NOL4L: variants seen among roughly 807,000 people sequenced by gnomAD.
NOL4L encodes nucleolar protein 4 like.
In NOL4L, 7 loss-of-function variants were observed where a neutral mutation model predicts 64.5. The observed-to-expected ratio is 0.11, with a 90% CI of 0.06 to 0.20. The LOEUF is 0.20. Among genes scored for constraint, NOL4L ranks in the 10% least tolerant of loss-of-function variants. The probability of loss-of-function intolerance (pLI) is 1.00; values close to 1 mark genes in which losing one functional copy is unlikely to be tolerated. For synonymous variants in NOL4L, 413 were observed against 401.0 expected (o/e 1.03, Z -0.36); for missense variants, 680 against 967.1 (o/e 0.70, Z 3.94).
chr20:32,514,090 G>A (rs910988286), intron 3 of NOL4L, among the ~76,000 whole-genome samples: 4 of 152,150 alleles, frequency 2.6e-5, no homozygotes, highest in African/African-American at 7.2e-5. Flanking sequence ...TGACTTTATA[G>A]ATCAAATAAC....
At chr20:32,535,404 C>T (rs995731417) in intron 1 of NOL4L, 34 of 164,688 alleles carry the variant, frequency 2.1e-4, no homozygotes, top group African/African-American at 7.9e-4. Flanking sequence ...TAAATAAATA[C>T]ATAAACAAGG....
At chr20:32,488,054 C>A (rs2016169955) in intron 4 of NOL4L, among the ~76,000 whole-genome samples, 1 of 152,062 alleles carries the variant, frequency 6.6e-6, no homozygotes, top group Non-Finnish European at 1.5e-5. Context: ...CTCAGCCTCC[C>A]AAGTAGCTGG....
intron 1 of NOL4L, among the ~76,000 whole-genome samples, chr20:32,550,471 C>A (rs6579024): frequency 6.6e-6 from 1 of 152,206 alleles, no homozygotes; most frequent in Admixed American, 6.5e-5. Flanking sequence ...ATAGGTCAGG[C>A]GTGGTGGCTC....
At chr20:32,461,594 TTA>T (rs1326039821) in intron 5 of NOL4L, among the ~76,000 whole-genome samples, 2 of 150,988 alleles carry the variant, frequency 1.3e-5, no homozygotes, top group Admixed American at 6.6e-5. Context: ...GGCTAATTTT[TTA>T]TGTTTTTAGT....
In NOL4L at chr20:32,443,467, AAT is replaced by A. The variant is rs1261007996; in HGVS notation, c.*4127_*4128del. On this transcript the variant is annotated 3_prime_UTR_variant, in exon 11 of 11. Coordinates refer to ENST00000621426, the MANE Select transcript of NOL4L (RefSeq NM_001256798.2). ...AATATAATTTAGAGGTGAAGCCATT[AAT>A]AGAGTCACCTTTAAAAGTTGGTGCC... is the stretch of plus-strand genomic sequence containing the variant. 2 of 152,344 alleles carry A rather than the reference AAT, an allele frequency of 1.3e-5. No individual in the cohort carries two copies. The highest frequency in any genetic ancestry group is 1.5e-5 in the Non-Finnish European group (1 of 68,030). 9.4% of individuals were successfully genotyped at this position (152,344 alleles called of 1,614,324 possible).
At chr20:32,487,155 CT>C (rs1158767600) in intron 4 of NOL4L, among the ~76,000 whole-genome samples, 3 of 152,094 alleles carry the variant, frequency 2.0e-5, no homozygotes, top group African/African-American at 7.2e-5. Context: ...GTAATCCCAG[CT>C]ACTCGGGAGG....
At chr20:32,467,560 A>G (rs1253937057) in intron 5 of NOL4L, among the ~76,000 whole-genome samples, 1 of 152,084 alleles carries the variant, frequency 6.6e-6, no homozygotes, top group East Asian at 1.9e-4. Context: ...ACCAAGGGAG[A>G]CCAGGCTGGC....
intron 1 of NOL4L, chr20:32,537,004 G>T: frequency 1.1e-6 from 1 of 951,782 alleles, no homozygotes; most frequent in Non-Finnish European, 1.2e-6. Context: ...GCGCCCGCCG[G>T]CCTCGCGTCC....
intron 4 of NOL4L, among the ~76,000 whole-genome samples, chr20:32,488,827 TTTTCTTTCTTTCTTTCTTTCTTTC>T (rs1175303976): frequency 3.3e-4 from 11 of 33,132 alleles, no homozygotes; most frequent in Non-Finnish European, 5.3e-4. Flanking sequence ...CTTTCTTTCT[TTTTCTTTCTTTCTTTCTTTCTTTC>T]TTTCTTTCTT....
chr20:32,466,747 T>A (rs533849229), intron 5 of NOL4L, among the ~76,000 whole-genome samples: 1 of 152,104 alleles, frequency 6.6e-6, no homozygotes, highest in East Asian at 1.9e-4. Flanking sequence ...GACACAGCCA[T>A]AATGAGCAGG....
intron 5 of NOL4L, among the ~76,000 whole-genome samples, chr20:32,471,691 C>T (rs764327202): frequency 2.6e-5 from 4 of 152,038 alleles, no homozygotes; most frequent in Non-Finnish European, 5.9e-5. Context: ...GGAGGTGGGC[C>T]TGGTGGGAGG....
chr20:32,528,737 A>ACGGACTGCTGGGGAACTGCTC (rs1351320643), intron 1 of NOL4L, among the ~76,000 whole-genome samples: 4 of 152,214 alleles, frequency 2.6e-5, no homozygotes, highest in Non-Finnish European at 5.9e-5. Context: ...CCGGAAGGGA[A>ACGGACTGCTGGGGAACTGCTC]CGGACTGCTG....
At chr20:32,499,373 G>A (rs1451786550) in intron 4 of NOL4L, among the ~76,000 whole-genome samples, 1 of 152,116 alleles carries the variant, frequency 6.6e-6, no homozygotes, top group Non-Finnish European at 1.5e-5. Context: ...TGCTCATGTG[G>A]TCAGATCAGT....
In NOL4L at chr20:32,466,334, C is replaced by T. The variant is rs118100312; in HGVS notation, c.841+8267G>A. ...CCCAGAGCTTGTCCTCCCCAGCATC[C>T]CAGACAAGGCCAGGGCTGTGTAGGC... On this transcript the variant is annotated intron_variant, in intron 5 of 10. Transcript: ENST00000621426. 6.6e-5 allele frequency among the ~76,000 whole-genome samples: 10 copies of T among 152,252 alleles called. No homozygotes were observed. In the East Asian group the frequency reaches 1.9e-3, roughly 29 times the overall value.
chr20:32,461,353 A>C (rs2014027948), intron 5 of NOL4L, among the ~76,000 whole-genome samples: 1 of 151,010 alleles, frequency 6.6e-6, no homozygotes, highest in Non-Finnish European at 1.5e-5. Context: ...GCTCTGCGTA[A>C]AGGTCACCTT....
chr20:32,569,945 C>T (rs368767896), intron 1 of NOL4L, among the ~76,000 whole-genome samples: 4 of 152,140 alleles, frequency 2.6e-5, no homozygotes, highest in African/African-American at 7.2e-5. Flanking sequence ...TATCATTTGC[C>T]GGTAGTTTCT....
At chr20:32,581,692 C>T (rs953706848) in intron 1 of NOL4L, among the ~76,000 whole-genome samples, 7 of 152,200 alleles carry the variant, frequency 4.6e-5, no homozygotes, top group African/African-American at 1.7e-4. Flanking sequence ...TCAGCTATGC[C>T]CACCACCCCC....
chr20:32,485,880 G>A (rs1345584341), intron 4 of NOL4L: 12 of 411,226 alleles, frequency 2.9e-5, no homozygotes, highest in Non-Finnish European at 6.1e-5. Flanking sequence ...ATCTGAGCTT[G>A]AAATATAAAG....
At chr20:32,534,229 C>T (rs1343711061) in intron 1 of NOL4L, among the ~76,000 whole-genome samples, 3 of 152,204 alleles carry the variant, frequency 2.0e-5, no homozygotes, top group Non-Finnish European at 4.4e-5. Context: ...GAAAAAACCA[C>T]AGAGAAAGGC....
Sources: gnomAD v4.1 joint callset for allele counts (sites outside exome capture counted in the v4.1 genomes callset) on GRCh38, gnomAD v4.1.1 for gene constraint, MANE v1.5 for transcripts, NCBI Gene and HGNC (gene_info 2026-07-23, HGNC 2026-07-21) for gene names.